Variants in TRPC4AP observed in about 807,000 individuals in gnomAD.
TRPC4AP encodes transient receptor potential cation channel subfamily C member 4 associated protein, also known as short transient receptor potential channel 4-associated protein.
A neutral mutation model predicts 99.0 loss-of-function variants in TRPC4AP; 45 were observed. The ratio of observed to expected loss-of-function variants is 0.45; its 90% CI spans 0.36 to 0.58. The LOEUF (loss-of-function observed/expected upper bound fraction) is 0.58, where lower values mean the gene tolerates loss of function less well. Ranked by LOEUF, TRPC4AP falls within the 20% of genes least tolerant of loss-of-function variation. The pLI, the probability that TRPC4AP is intolerant of heterozygous loss-of-function variation, is 0.00. For synonymous variants in TRPC4AP, 408 were observed against 385.8 expected (o/e 1.06, Z -0.67); for missense variants, 879 against 985.3 (o/e 0.89, Z 1.44).
At chr20:35,007,507 G>C (rs562233919) in intron 14 of TRPC4AP, 43 bp downstream of exon 14, 10 of 1,590,300 alleles carry the variant, frequency 6.3e-6, no homozygotes, top group South Asian at 4.4e-5. Flanking sequence ...CGCGTGGGCT[G>C]GGGGGAGACG....
intron 3 of TRPC4AP, among the ~76,000 whole-genome samples, chr20:35,060,329 G>A (rs1271498835): frequency 6.6e-6 from 1 of 152,144 alleles, no homozygotes; most frequent in Non-Finnish European, 1.5e-5. Context: ...GCTTATGCCT[G>A]TAATCCCAGC....
At chr20:35,092,481 C>T (rs936589333) in intron 1 of TRPC4AP, 133 bp downstream of exon 1, 5 of 1,111,900 alleles carry the variant, frequency 4.5e-6, no homozygotes, top group Admixed American at 3.9e-5. Flanking sequence ...CCGGGCAGCT[C>T]ACAGGGAGGC....
chr20:35,035,012 A>C (rs771809828), intron 8 of TRPC4AP, 111 bp downstream of exon 8: 5 of 1,243,652 alleles, frequency 4.0e-6, no homozygotes, highest in Non-Finnish European at 5.6e-6. Flanking sequence ...CTTGAGGACA[A>C]TTCTACTCTG....
At chr20:35,088,306 T>C (rs8121957) in intron 1 of TRPC4AP, among the ~76,000 whole-genome samples, 21,314 of 152,182 alleles carry the variant, frequency 0.14, 1,890 homozygotes, top group African/African-American at 0.25. Flanking sequence ...TAAAGACACA[T>C]AGTAAGTAAA....
Position 35,021,400 on chromosome 20 carries a change from G to A in TRPC4AP, c.1052-44C>T, listed in dbSNP as rs1012726794. On this transcript the variant is annotated intron_variant, in intron 8 of 18. Transcript: ENST00000252015. ...ACAGGATTGAGTCACAGCTTGTGAG[G>A]AAACACGTTTCTGCCCCTCGAACCT... 2.5e-6 allele frequency: 4 copies of A among 1,599,694 alleles called. No individual in the cohort carries two copies. The African/African-American group carries it at 5.4e-5, about 21-fold the overall frequency.
At chr20:35,050,018 A>AT in intron 5 of TRPC4AP, 24 bp from the exon 6 acceptor site, 1 of 1,609,808 alleles carries the variant, frequency 6.2e-7, no homozygotes, top group Non-Finnish European at 8.5e-7. Context: ...AAAAGGCAGA[A>AT]TAGGTTGTAA....
intron 9 of TRPC4AP, among the ~76,000 whole-genome samples, chr20:35,019,213 C>T (rs1028093960): frequency 6.6e-6 from 1 of 152,138 alleles, no homozygotes. Context: ...TCACGGTGCC[C>T]GGCACACAGC....
At chr20:35,008,399 C>T (rs980428667) in intron 13 of TRPC4AP, among the ~76,000 whole-genome samples, 2 of 152,158 alleles carry the variant, frequency 1.3e-5, no homozygotes, top group South Asian at 4.1e-4. Flanking sequence ...TGGCAGGGCC[C>T]GTATCCTAGT....
rs780990083 is a variant in TRPC4AP at position 35,003,242 on chromosome 20, G to C, written c.2298C>G (p.Ser766=). Reference sequence around the variant, plus strand: ...ACTGCCGGTCCGGGTTCAACAGGATGGACACTGTCTCCTTCCAGTATGAGA... The same window carrying C: ...ACTGCCGGTCCGGGTTCAACAGGATCGACACTGTCTCCTTCCAGTATGAGA... ...ISFSYWKETV[S]ILLNPDRQSP... Residue 766 remains serine (S), a synonymous_variant, in exon 19 of 19, where the codon TCC becomes TCG. Transcript: ENST00000252015. 2.5e-6 allele frequency: 4 copies of C among 1,614,216 alleles called. No homozygotes were observed. Among genetic ancestry groups the C allele is most frequent in the East Asian group, 2.2e-5 (1 of 44,884 alleles).
rs199961940 is a variant in TRPC4AP, at chr20:35,035,307, C to T, written c.867G>A (p.Ala289=). The T allele has an allele frequency of 3.7e-5, 60 of 1,612,456 alleles. No individual in the cohort carries two copies. The Admixed American group carries it at 6.0e-4, about 16-fold the overall frequency. Residue 289 remains alanine, a splice_region_variant and synonymous_variant, in exon 8 of 19, where the codon GCG becomes GCA. Transcript: ENST00000252015. ...LGPSAAEINQ[A]ALLSIPGFVE... ...CAAAGCCAGGAATGCTGAGAAGGGC[C>T]GCTGCCAGGGAAAGAACAAGCGAGG...
At chr20:35,015,229 G>A (rs1035778559) in intron 10 of TRPC4AP, among the ~76,000 whole-genome samples, 6 of 152,106 alleles carry the variant, frequency 3.9e-5, no homozygotes, top group Non-Finnish European at 8.8e-5. Flanking sequence ...TCGAACTCCT[G>A]ACCTCAAGTG....
intron 10 of TRPC4AP, among the ~76,000 whole-genome samples, chr20:35,014,535 GAAAGT>G (rs2082708663): frequency 6.6e-6 from 1 of 152,044 alleles, no homozygotes; most frequent in African/African-American, 2.4e-5. Context: ...GAGACCTTAA[GAAAGT>G]ATTTTAAAAA....
intron 5 of TRPC4AP, among the ~76,000 whole-genome samples, chr20:35,053,521 G>A (rs763852471): frequency 1.3e-5 from 2 of 152,140 alleles, no homozygotes; most frequent in Admixed American, 6.5e-5. Flanking sequence ...CAAGAACTGT[G>A]CATTTCCTGA....
At position 35,065,862 on chromosome 20, in the gene TRPC4AP, A is replaced by G. The variant is rs17092242; in HGVS notation, c.414+3434T>C. 2.1e-4 allele frequency among the ~76,000 whole-genome samples: 32 copies of G among 152,318 alleles called. 1 individual carries two copies. In the East Asian group the frequency reaches 6.2e-3, roughly 29 times the overall value. ...TCCCATAAATACATCAGTTCTTACT[A>G]AGTAGATTTCTTGATGAAACAATTC... On this transcript the variant is annotated intron_variant, in intron 3 of 18. Coordinates refer to ENST00000252015, the MANE Select transcript of TRPC4AP (RefSeq NM_015638.3).
chr20:35,079,760 T>C (rs1223402972), intron 1 of TRPC4AP, among the ~76,000 whole-genome samples: 2 of 152,102 alleles, frequency 1.3e-5, no homozygotes, highest in African/African-American at 2.4e-5. Context: ...TGCCCCAATA[T>C]TTGCCTAGCA....
intron 1 of TRPC4AP, 47 bp downstream of exon 1, chr20:35,092,567 T>G: frequency 5.2e-5 from 63 of 1,209,700 alleles, no homozygotes; most frequent in Non-Finnish European, 6.7e-5. Context: ...CCCCGCCAGC[T>G]CCCGCCTGGT....
rs115306300 is a variant in TRPC4AP, at chr20:35,085,345, G to A, written c.169-7171C>T. ...ATAATAATTTGGGGCTGGGCACAGCGGCTTACACTCATATCCTAGCACTTG... is the reference window on the plus strand; with the variant it reads ...ATAATAATTTGGGGCTGGGCACAGCAGCTTACACTCATATCCTAGCACTTG... On this transcript the variant is annotated intron_variant, in intron 1 of 18. Coordinates refer to ENST00000252015, the MANE Select transcript of TRPC4AP (RefSeq NM_015638.3). 4.4e-3 allele frequency among the ~76,000 whole-genome samples: 664 copies of A among 152,206 alleles called. 8 individuals are homozygous for A. The highest frequency in any genetic ancestry group is 0.015 in the African/African-American group (641 of 41,518).
chr20:35,003,971 T>G (rs927796007), intron 17 of TRPC4AP, among the ~76,000 whole-genome samples: 2 of 152,156 alleles, frequency 1.3e-5, no homozygotes, highest in Non-Finnish European at 2.9e-5. Flanking sequence ...CATTCAGCAC[T>G]AGCCTGCGCG....
chr20:35,004,604 C>G (rs202055388), intron 16 of TRPC4AP, 34 bp from the exon 17 acceptor site: 1 of 1,596,020 alleles, frequency 6.3e-7, no homozygotes, highest in South Asian at 1.1e-5. Context: ...GCAGGTCAGG[C>G]TTAGGCCCAG....
Sources: gnomAD v4.1 joint callset for allele counts (sites outside exome capture counted in the v4.1 genomes callset) on GRCh38, gnomAD v4.1.1 for gene constraint, MANE v1.5 for transcripts, NCBI Gene and HGNC (gene_info 2026-07-23, HGNC 2026-07-21) for gene names.